The following TTLL5 variants were observed in gnomAD, a reference collection of about 807,000 sequenced individuals.
The protein encoded by TTLL5 is tubulin polyglutamylase TTLL5.
TTLL5 carries 132 observed loss-of-function variants against 168.4 expected under a neutral mutation model. The observed-to-expected ratio is 0.78, with a 90% confidence interval of 0.68 to 0.91. TTLL5 has a LOEUF of 0.91. Ranked by LOEUF, TTLL5 falls within the 40% of genes least tolerant of loss-of-function variation. The probability of loss-of-function intolerance (pLI) is 0.00; values close to 1 mark genes in which losing one functional copy is unlikely to be tolerated. For missense variants in TTLL5, 1,545 were observed against 1,581.5 expected (o/e 0.98, Z 0.39); for synonymous variants, 546 against 558.6 (o/e 0.98, Z 0.32).
At chr14:75,690,170 A>G in intron 5 of TTLL5, 22 bp from the exon 6 acceptor site, 1 of 1,612,628 alleles carries the variant, frequency 6.2e-7, no homozygotes, top group South Asian at 1.1e-5. Flanking sequence ...TACTGAATGG[A>G]AATACTTTTT....
intron 30 of TTLL5, 107 bp from the exon 31 acceptor site, chr14:75,902,035 A>T: frequency 1.1e-6 from 1 of 897,264 alleles, no homozygotes; most frequent in Non-Finnish European, 1.8e-6. Context: ...TGAGTGAATG[A>T]GCCACAGGAG....
chr14:75,880,368 C>A (rs1162690124), intron 29 of TTLL5, among the ~76,000 whole-genome samples: 1 of 152,024 alleles, frequency 6.6e-6, no homozygotes, highest in Non-Finnish European at 1.5e-5. Context: ...ATGTTCTTAC[C>A]AATGGCAGTT....
At chr14:75,937,248 C>G (rs755207601) in intron 31 of TTLL5, among the ~76,000 whole-genome samples, 1 of 151,772 alleles carries the variant, frequency 6.6e-6, no homozygotes, top group African/African-American at 2.4e-5. Flanking sequence ...TCCCTAGTAG[C>G]TGGGTTTACA....
chr14:75,746,637 A>G lies in TTLL5; in HGVS notation c.1487+1056A>G, dbSNP rs1379938350. On this transcript the variant is annotated intron_variant, in intron 17 of 31. Coordinates refer to ENST00000298832, the MANE Select transcript of TTLL5 (RefSeq NM_015072.5). ...AGTGGCACAATCTTGGCTTACTGCA[A>G]CCTTGGCTTCCTGGGCTCCACTTCA... Among the ~76,000 whole-genome samples, 15 of 150,670 alleles carry G rather than the reference A, an allele frequency of 1.0e-4. No homozygotes were observed. The South Asian group carries it at 3.1e-3, about 31-fold the overall frequency.
rs560845715 is a variant in TTLL5 at position 75,811,651 on chromosome 14, T to G, written c.3172-8356T>G. Among the ~76,000 whole-genome samples the G allele has an allele frequency of 4.6e-5, 7 of 152,308 alleles. No homozygotes were observed. In the South Asian group the frequency reaches 1.5e-3, roughly 32 times the overall value. On this transcript the variant is annotated intron_variant, in intron 27 of 31. Transcript: ENST00000298832. ...CATGCGTTAGCGCTTTCCTCAAGGC[T>G]TTACCTGTGATAGGCAATACAGCAC...
chr14:75,795,626 C>T (rs1197686388), intron 27 of TTLL5, among the ~76,000 whole-genome samples: 1 of 152,024 alleles, frequency 6.6e-6, no homozygotes, highest in Admixed American at 6.6e-5. Context: ...ATCCTTGTAC[C>T]TTTGTGTCCT....
At chr14:75,691,090 TACAAGTTAGTC>T (rs1041278011) in intron 6 of TTLL5, among the ~76,000 whole-genome samples, 2 of 152,156 alleles carry the variant, frequency 1.3e-5, no homozygotes, top group African/African-American at 4.8e-5. Flanking sequence ...GGTTTGGAGC[TACAAGTTAGTC>T]ACATTCTCTC....
chr14:75,741,247 A>G (rs1272744194), intron 15 of TTLL5, among the ~76,000 whole-genome samples: 3 of 152,324 alleles, frequency 2.0e-5, no homozygotes, highest in African/African-American at 7.2e-5. Context: ...TGCATGGCAG[A>G]ATTCTTGACA....
intron 5 of TTLL5, among the ~76,000 whole-genome samples, chr14:75,688,840 A>C (rs1885250644): frequency 6.6e-6 from 1 of 152,242 alleles, no homozygotes; most frequent in African/African-American, 2.4e-5. Flanking sequence ...AATATCTCAG[A>C]ATATAGCAGG....
intron 31 of TTLL5, among the ~76,000 whole-genome samples, chr14:75,935,517 T>C (rs2142164): frequency 0.8 from 122,313 of 152,240 alleles, 49,335 homozygotes; most frequent in African/African-American, 0.87. Flanking sequence ...ATACAACAAG[T>C]TGTGAAACTA....
intron 28 of TTLL5, among the ~76,000 whole-genome samples, chr14:75,845,128 G>T (rs771573490): frequency 6.6e-6 from 1 of 152,166 alleles, no homozygotes. Flanking sequence ...ATAGCCAGTT[G>T]TTCCCTTCTC....
chr14:75,746,657 A>T (rs1889635867), intron 17 of TTLL5, among the ~76,000 whole-genome samples: 1 of 149,278 alleles, frequency 6.7e-6, no homozygotes, highest in Non-Finnish European at 1.5e-5. Context: ...CCTGGGCTCC[A>T]CTTCAAGCTA....
At chr14:75,745,440 G>A (rs1054602660) in intron 16 of TTLL5, 50 bp from the exon 17 acceptor site, 13 of 1,575,198 alleles carry the variant, frequency 8.3e-6, no homozygotes, top group Non-Finnish European at 1.1e-5. Flanking sequence ...ATAGCCACAT[G>A]GACTCCGGTT....
At chr14:75,754,967 A>T (rs1243483492) in intron 18 of TTLL5, among the ~76,000 whole-genome samples, 1 of 151,766 alleles carries the variant, frequency 6.6e-6, no homozygotes, top group Non-Finnish European at 1.5e-5. Context: ...AACTTTGATT[A>T]AAAAAAACAT....
rs139088670 is a variant in TTLL5 at position 75,828,456 on chromosome 14, A to C, written c.3326+8295A>C. The stretch of plus-strand genomic sequence containing the variant: ...CAATAAATTTTTTATTCTCTAGCTT[A>C]CTTTTTAGTAAGAATACAGTCCCAT... On this transcript the variant is annotated intron_variant, in intron 28 of 31. Coordinates refer to ENST00000298832, the MANE Select transcript of TTLL5 (RefSeq NM_015072.5). Among the ~76,000 whole-genome samples the C allele has an allele frequency of 2.2e-3, 331 of 152,280 alleles. 1 individual carries two copies. Among genetic ancestry groups the C allele is most frequent in the African/African-American group, 7.5e-3 (313 of 41,538 alleles).
chr14:75,679,602 ATCTATC>A (rs1221805776), intron 3 of TTLL5, among the ~76,000 whole-genome samples: 3 of 152,246 alleles, frequency 2.0e-5, no homozygotes, highest in Non-Finnish European at 4.4e-5. Context: ...GTACATTATA[ATCTATC>A]TCTATCACTA....
At chr14:75,923,047 G>A (rs2033884749) in intron 31 of TTLL5, among the ~76,000 whole-genome samples, 1 of 152,092 alleles carries the variant, frequency 6.6e-6, no homozygotes, top group African/African-American at 2.4e-5. Flanking sequence ...TGGGATCAGT[G>A]GTGATATTCC....
intron 31 of TTLL5, among the ~76,000 whole-genome samples, chr14:75,942,080 G>A (rs2034625744): frequency 6.6e-6 from 1 of 151,760 alleles, no homozygotes; most frequent in African/African-American, 2.4e-5. Flanking sequence ...CTACTTGGGA[G>A]GCTGAGGCAG....
chr14:75,808,734 G>A (rs1472178038), intron 27 of TTLL5, among the ~76,000 whole-genome samples: 1 of 152,132 alleles, frequency 6.6e-6, no homozygotes, highest in African/African-American at 2.4e-5. Flanking sequence ...CCCCATGGCT[G>A]CAGGAATCAA....
Sources: gnomAD v4.1 joint callset for allele counts (sites outside exome capture counted in the v4.1 genomes callset) on GRCh38, gnomAD v4.1.1 for gene constraint, MANE v1.5 for transcripts, NCBI Gene and HGNC (gene_info 2026-07-23, HGNC 2026-07-21) for gene names.